IQCK: variants seen among roughly 807,000 people sequenced by gnomAD.
IQCK encodes the protein IQ motif containing K.
Under a neutral mutation model 28.1 loss-of-function variants are expected in IQCK, and 29 were observed. That is an observed-to-expected ratio of 1.03 (90% confidence interval 0.77 to 1.41). The LOEUF (loss-of-function observed/expected upper bound fraction) is 1.41, where lower values mean the gene tolerates loss of function less well. IQCK is among the 40% of genes most tolerant of loss of function. The pLI, the probability that IQCK is intolerant of heterozygous loss-of-function variation, is 0.00. For synonymous variants in IQCK, 113 were observed against 115.1 expected (o/e 0.98, Z 0.12); for missense variants, 359 against 314.7 (o/e 1.14, Z -1.07).
intron 7 of IQCK, among the ~76,000 whole-genome samples, chr16:19,805,874 G>A (rs1371940109): frequency 1.3e-5 from 2 of 152,026 alleles, no homozygotes; most frequent in Non-Finnish European, 2.9e-5. Flanking sequence ...TGGGGTGGGG[G>A]GGCTAGGGAA....
chr16:19,780,938 T>C (rs2055473592), intron 6 of IQCK, among the ~76,000 whole-genome samples: 1 of 152,230 alleles, frequency 6.6e-6, no homozygotes, highest in Non-Finnish European at 1.5e-5. Context: ...ATGTATTTAC[T>C]TTCATGTTGT....
intron 4 of IQCK, among the ~76,000 whole-genome samples, chr16:19,758,977 A>G (rs1035896370): frequency 2.0e-5 from 3 of 152,172 alleles, no homozygotes; most frequent in African/African-American, 7.2e-5. Flanking sequence ...ACTAAAGAGG[A>G]AGAAAGAAAA....
intron 7 of IQCK, among the ~76,000 whole-genome samples, chr16:19,809,929 C>T (rs1346139333): frequency 2.0e-5 from 3 of 152,188 alleles, no homozygotes; most frequent in Admixed American, 2.0e-4. Flanking sequence ...TAAGTGTCCA[C>T]ACGTGAGGGC....
intron 9 of IQCK, among the ~76,000 whole-genome samples, chr16:19,847,314 C>A (rs2056425085): frequency 6.6e-6 from 1 of 151,762 alleles, no homozygotes; most frequent in African/African-American, 2.4e-5. Flanking sequence ...CTCTTCCTCC[C>A]CATTGTTCCT....
intron 1 of IQCK, among the ~76,000 whole-genome samples, chr16:19,721,307 G>A (rs1355999882): frequency 6.6e-6 from 1 of 152,164 alleles, no homozygotes; most frequent in Non-Finnish European, 1.5e-5. Context: ...AAAATACAAA[G>A]TAGGTCAATA....
intron 1 of IQCK, among the ~76,000 whole-genome samples, chr16:19,719,023 C>T (rs1977377191): frequency 6.6e-6 from 1 of 152,186 alleles, no homozygotes; most frequent in African/African-American, 2.4e-5. Context: ...CCTCCCCAGG[C>T]GGAGTTGAGC....
chr16:19,819,907 A>T lies in IQCK; in HGVS notation c.691-7119A>T, dbSNP rs556247595. Among the ~76,000 whole-genome samples the T allele has an allele frequency of 1.7e-4, 26 of 152,172 alleles. No homozygotes were observed. The South Asian group carries it at 3.9e-3, about 23-fold the overall frequency. On this transcript the variant is annotated intron_variant, in intron 7 of 7. Coordinates refer to ENST00000564186, the Ensembl canonical transcript of IQCK. The stretch of plus-strand genomic sequence containing the variant: ...AAAAAAAAAAACATGCATTGTGGGA[A>T]AAGAATTAAGAGTCTAGAAATAAAC...
chr16:19,826,902 C>A (rs935984101), intron 7 of IQCK, 124 bp from the exon 8 acceptor site: 2 of 686,608 alleles, frequency 2.9e-6, no homozygotes, highest in African/African-American at 1.8e-5. Flanking sequence ...TCATTTAGGA[C>A]GATGATTCAT....
At chr16:19,743,408 T>A (rs964451360) in intron 4 of IQCK, among the ~76,000 whole-genome samples, 9 of 152,108 alleles carry the variant, frequency 5.9e-5, no homozygotes, top group African/African-American at 2.2e-4. Context: ...AAGGAGCAAA[T>A]CCCCTCAAAT....
intron 6 of IQCK, chr16:19,764,326 T>A: frequency 2.3e-6 from 1 of 425,622 alleles, no homozygotes. Context: ...AGAAATAAAA[T>A]AGAAAACTTA....
chr16:19,786,170 A>G (rs2055559077), intron 6 of IQCK, among the ~76,000 whole-genome samples: 1 of 152,226 alleles, frequency 6.6e-6, no homozygotes, highest in Non-Finnish European at 1.5e-5. Flanking sequence ...TAGTGAAGGG[A>G]AATTACTTCA....
At chr16:19,750,419 G>A (rs560121014) in intron 4 of IQCK, among the ~76,000 whole-genome samples, 4 of 144,246 alleles carry the variant, frequency 2.8e-5, no homozygotes, top group East Asian at 4.3e-4. Flanking sequence ...GAACCATTGC[G>A]CCTGGCCTAA....
intron 4 of IQCK, among the ~76,000 whole-genome samples, chr16:19,762,191 AT>A (rs2151708269): frequency 6.6e-6 from 1 of 152,206 alleles, no homozygotes; most frequent in African/African-American, 2.4e-5. Context: ...GGCTGAGTTG[AT>A]TGCCATTTGG....
chr16:19,743,042 G>A lies in IQCK; in HGVS notation c.474+7592G>A, dbSNP rs59826656. ...AAAAATTAGTTGGGCATGGTGGCAC[G>A]TGCCTGTAATTCCAGCTACTCGGGA... On this transcript the variant is annotated intron_variant, in intron 4 of 7. Transcript: ENST00000564186. Among the ~76,000 whole-genome samples the A allele has an allele frequency of 4.8e-4, 73 of 152,292 alleles. No individual in the cohort carries two copies. The East Asian group carries it at 6.6e-3, about 14-fold the overall frequency.
rs551736318 is a variant in IQCK at position 19,738,841 on chromosome 16, C to G, written c.474+3391C>G. Among the ~76,000 whole-genome samples, 5 of 152,254 alleles carry G rather than the reference C, an allele frequency of 3.3e-5. No homozygotes were observed. The East Asian group carries it at 9.7e-4, about 29-fold the overall frequency. On this transcript the variant is annotated intron_variant, in intron 4 of 7. Transcript: ENST00000564186. ...CTTATTCAGGACTTGGTCCCAGTTC[C>G]CAGAAAAACCATCCAATTCCACAGT...
intron 6 of IQCK, among the ~76,000 whole-genome samples, chr16:19,776,366 G>C (rs2055394903): frequency 1.3e-5 from 2 of 152,114 alleles, no homozygotes; most frequent in Admixed American, 1.3e-4. Flanking sequence ...TCCTTAAAGT[G>C]ATCAGTACTG....
At chr16:19,806,500 A>G (rs2055835588) in intron 7 of IQCK, among the ~76,000 whole-genome samples, 1 of 151,286 alleles carries the variant, frequency 6.6e-6, no homozygotes, top group South Asian at 2.1e-4. Context: ...AGCCTGGGCA[A>G]CATGGTGAAA....
chr16:19,806,614 G>A (rs1047480813), intron 7 of IQCK, among the ~76,000 whole-genome samples: 11 of 151,030 alleles, frequency 7.3e-5, no homozygotes, highest in Non-Finnish European at 1.2e-4. Context: ...GCTTGAGCCC[G>A]GGAGGCAGAG....
chr16:19,722,221 G>A (rs191999383), intron 1 of IQCK, among the ~76,000 whole-genome samples: 26 of 152,250 alleles, frequency 1.7e-4, no homozygotes, highest in Admixed American at 1.2e-3. Flanking sequence ...CATAGGATGC[G>A]TTCACTGAGA....
Sources: allele counts gnomAD v4.1 joint callset (sites outside exome capture counted in the v4.1 genomes callset), GRCh38; gene constraint gnomAD v4.1.1; transcripts MANE v1.5; gene names NCBI Gene and HGNC (gene_info 2026-07-23, HGNC 2026-07-21).